Variants in CST8 observed in about 807,000 individuals in gnomAD.
CST8 encodes the protein cystatin-8.
Under a neutral mutation model 11.8 loss-of-function variants are expected in CST8, and 20 were observed. The observed-to-expected ratio is 1.70, with a 90% CI of 1.20 to 2.47. CST8 has a LOEUF of 2.47. Ranked by LOEUF, CST8 falls within the 30% of genes most tolerant of loss-of-function variation. The pLI is 0.00. For missense variants in CST8, 196 were observed against 167.2 expected (o/e 1.17, Z -0.95); for synonymous variants, 77 against 63.1 (o/e 1.22, Z -1.05).
At chr20:23,499,861 G>T (rs1988141757), downstream of CST8, among the ~76,000 whole-genome samples, 1 of 152,164 alleles carries the variant, frequency 6.6e-6, no homozygotes, top group South Asian at 2.1e-4. Context: ...ATAAAAGTCT[G>T]TTTGTGTTAT....
chr20:23,503,149 T>C, the CST8 span, among the ~76,000 whole-genome samples: 3,962 of 152,116 alleles, frequency 0.026, 81 homozygotes, highest in African/African-American at 0.055. Context: ...GATAGTAGAA[T>C]GGAAACATCA....
At chr20:23,495,221 G>A (rs915197280) in intron 3 of CST8, among the ~76,000 whole-genome samples, 3 of 152,068 alleles carry the variant, frequency 2.0e-5, no homozygotes, top group African/African-American at 4.8e-5. Context: ...CCATTGACAG[G>A]CATTTAGGCT....
At chr20:23,503,233 G>A in the CST8 span, among the ~76,000 whole-genome samples, 62,756 of 151,994 alleles carry the variant, frequency 0.41, 13,787 homozygotes, top group Non-Finnish European at 0.49. Context: ...CAGGAAATAA[G>A]ACACAATAAT....
At chr20:23,498,759 G>A (rs536875373), downstream of CST8, among the ~76,000 whole-genome samples, 1 of 152,316 alleles carries the variant, frequency 6.6e-6, no homozygotes, top group Admixed American at 6.5e-5. Flanking sequence ...GGATTGGAAT[G>A]TGATGTATCT....
downstream of CST8, among the ~76,000 whole-genome samples, chr20:23,500,007 A>G (rs1000021993): frequency 2.0e-5 from 3 of 151,008 alleles, no homozygotes; most frequent in East Asian, 3.9e-4. Context: ...GGTAGGAGGG[A>G]GAGAGAGAGA....
At chr20:23,498,854 C>T (rs977612670), downstream of CST8, among the ~76,000 whole-genome samples, 78 of 152,170 alleles carry the variant, frequency 5.1e-4, no homozygotes, top group African/African-American at 1.8e-3. Flanking sequence ...AAATTGCCCT[C>T]CCGTCCCTCT....
At chr20:23,503,042 C>G in the CST8 span, among the ~76,000 whole-genome samples, 1 of 151,938 alleles carries the variant, frequency 6.6e-6, no homozygotes, top group Non-Finnish European at 1.5e-5. Context: ...CAGTTTCCCA[C>G]GGCAGGTGTC....
chr20:23,491,626 C>T lies in CST8; in HGVS notation c.-42C>T, dbSNP rs369844649. 1.2e-4 allele frequency: 175 copies of T among 1,505,348 alleles called. No homozygotes were observed. The African/African-American group carries it at 1.3e-3, about 11-fold the overall frequency. 93.2% of individuals were successfully genotyped at this position (1,505,348 alleles called of 1,614,324 possible). A position where few individuals can be genotyped will look rare whatever the true frequency, so the allele number is the denominator to read the frequency against. ...CCTGCCCACAGCTCCAGCCCTGAGA[C>T]GACGAGGAGGAGAGTCGACTTTGCC... On this transcript the variant is annotated 5_prime_UTR_variant, in exon 2 of 4. The change creates a new upstream start codon in the 5' untranslated region. Transcript: ENST00000246012.
At chr20:23,502,184 C>G in the CST8 span, among the ~76,000 whole-genome samples, 4 of 152,314 alleles carry the variant, frequency 2.6e-5, no homozygotes, top group Admixed American at 1.3e-4. Flanking sequence ...ACAGAAGCCA[C>G]CTAAAAGCCA....
downstream of CST8, among the ~76,000 whole-genome samples, chr20:23,500,296 G>T (rs143938803): frequency 6.6e-6 from 1 of 152,176 alleles, no homozygotes; most frequent in Non-Finnish European, 1.5e-5. Flanking sequence ...GGGACCAGGG[G>T]TGGGCTGCCT....
At chr20:23,493,196 C>T in intron 3 of CST8, 125 bp downstream of exon 3, 4 of 676,576 alleles carry the variant, frequency 5.9e-6, no homozygotes, top group South Asian at 1.7e-5. Context: ...AGATAGCCAA[C>T]CCTGTGGCCT....
At chr20:23,493,853 G>A (rs773071135) in intron 3 of CST8, among the ~76,000 whole-genome samples, 3 of 152,168 alleles carry the variant, frequency 2.0e-5, no homozygotes, top group Non-Finnish European at 4.4e-5. Flanking sequence ...TGGAGGTATT[G>A]ACAAACCCTG....
At chr20:23,499,301 A>T (rs1173246183), downstream of CST8, among the ~76,000 whole-genome samples, 1 of 152,196 alleles carries the variant, frequency 6.6e-6, no homozygotes, top group Non-Finnish European at 1.5e-5. Flanking sequence ...GCCTGTCTTA[A>T]TCTCTTCCTT....
chr20:23,498,748 A>G (rs1434184030), downstream of CST8, among the ~76,000 whole-genome samples: 2 of 152,248 alleles, frequency 1.3e-5, no homozygotes, highest in African/African-American at 4.8e-5. Flanking sequence ...CAAAGGAACC[A>G]GGATTGGAAT....
chr20:23,504,430 A>G, the CST8 span, among the ~76,000 whole-genome samples: 3 of 152,216 alleles, frequency 2.0e-5, no homozygotes, highest in African/African-American at 4.8e-5. Context: ...CTCCTCCCCA[A>G]GGCAATGTGG....
downstream of CST8, chr20:23,496,077 T>C: frequency 1.7e-6 from 1 of 600,420 alleles, no homozygotes; most frequent in South Asian, 2.2e-5. Context: ...GATGGGCATG[T>C]CCAGGTCCTC....
the CST8 span, among the ~76,000 whole-genome samples, chr20:23,504,123 T>G: frequency 6.6e-6 from 1 of 152,178 alleles, no homozygotes; most frequent in Non-Finnish European, 1.5e-5. Context: ...AGAGGGGCAT[T>G]GAAATGTGAC....
At chr20:23,505,907 A>G in the CST8 span, among the ~76,000 whole-genome samples, 1 of 152,300 alleles carries the variant, frequency 6.6e-6, no homozygotes, top group East Asian at 1.9e-4. Context: ...CTGAATGTCA[A>G]TGGTAAACCA....
At position 23,493,870 on chromosome 20, in the gene CST8, G is replaced by A. The variant is rs530270958; in HGVS notation, c.345+799G>A. On this transcript the variant is annotated intron_variant, in intron 3 of 3. Coordinates refer to ENST00000246012, the MANE Select transcript of CST8 (RefSeq NM_005492.4). ...GAGGTATTGACAAACCCTGATGACC[G>A]GGTTCCACCGGCAGAGTTTCCAATT... is the stretch of plus-strand genomic sequence containing the variant. Among the ~76,000 whole-genome samples the A allele has an allele frequency of 5.3e-5, 8 of 152,292 alleles. No individual in the cohort carries two copies. The South Asian group carries it at 1.5e-3, about 28-fold the overall frequency.
Sources: gnomAD v4.1 joint callset for allele counts (sites outside exome capture counted in the v4.1 genomes callset) on GRCh38, gnomAD v4.1.1 for gene constraint, MANE v1.5 for transcripts, NCBI Gene and HGNC (gene_info 2026-07-23, HGNC 2026-07-21) for gene names.